The following ANKRD11 variants were observed in gnomAD, a reference collection of about 807,000 sequenced individuals.
ANKRD11 encodes the protein ankyrin repeat domain-containing protein 11.
A neutral mutation model predicts 195.7 loss-of-function variants in ANKRD11; 17 were observed. The ratio of observed to expected loss-of-function variants is 0.09; its 90% confidence interval spans 0.06 to 0.13. The LOEUF is 0.13. ANKRD11 is among the 10% of genes least tolerant of loss of function. The probability of loss-of-function intolerance (pLI) is 1.00; values close to 1 mark genes in which losing one functional copy is unlikely to be tolerated. For synonymous variants in ANKRD11, 1,953 were observed against 1,528.1 expected, an observed-to-expected ratio of 1.28 and a Z score of -6.49; for missense variants, 3,735 against 3,566.1, an observed-to-expected ratio of 1.05 and a Z score of -1.21.
Position 89,281,490 on chromosome 16 carries a change from G to C in ANKRD11, c.5052C>G (p.His1684Gln), listed in dbSNP as rs761081410. Reference sequence around the variant, plus strand: ...GGGACGCAGGCAGGACCTCTTTCATGTGAGGGCCTGCCAGCCAGTCTTTGG... The same window carrying C: ...GGGACGCAGGCAGGACCTCTTTCATCTGAGGGCCTGCCAGCCAGTCTTTGG... ...ADSKDWLAGPHMKEVLPASPR... is the reference protein window; with the variant it reads ...ADSKDWLAGPQMKEVLPASPR... Residue 1684 changes from histidine to glutamine, a missense_variant, in exon 9 of 13, where the codon CAC (histidine) becomes CAG (glutamine). His to Gln is a conservative substitution (Grantham distance 24, BLOSUM62 0). Transcript: ENST00000301030. The surrounding 1 kb of genome is among the most constrained non-coding windows in gnomAD (Gnocchi z 5.5). 3.1e-6 allele frequency: 5 copies of C among 1,614,086 alleles called. No homozygotes were observed. In the African/African-American group the frequency reaches 5.3e-5, roughly 17 times the overall value.
chr16:89,328,642 G>A (rs910970122), intron 2 of ANKRD11, among the ~76,000 whole-genome samples: 9 of 150,070 alleles, frequency 6.0e-5, no homozygotes, highest in South Asian at 2.1e-4. Context: ...CCAGGAGCAC[G>A]GGCGAAATCA....
intron 3 of ANKRD11, among the ~76,000 whole-genome samples, chr16:89,313,823 A>G (rs185963652): frequency 3.2e-4 from 48 of 152,318 alleles, no homozygotes; most frequent in African/African-American, 1.0e-3. Context: ...CTACTGTTCA[A>G]GCTAAGAAAG....
chr16:89,272,077 G>C (rs915959445), intron 11 of ANKRD11: 5 of 151,954 alleles, frequency 3.3e-5, no homozygotes, highest in Admixed American at 2.6e-4. Context: ...CAAAAAAACG[G>C]GCAAAAGATC....
rs568994156 is a variant in ANKRD11 at position 89,394,344 on chromosome 16, G to C, written c.-60+23940C>G. On this transcript the variant is annotated intron_variant, in intron 2 of 12. Coordinates refer to ENST00000301030, the MANE Select transcript of ANKRD11 (RefSeq NM_013275.6). ...AAACTTCTCATCAGAAAAACAGCTC[G>C]TGGGCCAGGCACAGTGGCTCCCGCC... 2.6e-5 allele frequency among the ~76,000 whole-genome samples: 4 copies of C among 152,150 alleles called. No homozygotes were observed. The East Asian group carries it at 7.7e-4, about 29-fold the overall frequency.
intron 2 of ANKRD11, among the ~76,000 whole-genome samples, chr16:89,317,774 C>T (rs1309525846): frequency 6.6e-6 from 1 of 152,128 alleles, no homozygotes; most frequent in East Asian, 1.9e-4. Context: ...ATTTATTAAT[C>T]ATGTTTTATT....
intron 4 of ANKRD11, among the ~76,000 whole-genome samples, chr16:89,295,957 G>A (rs1338950810): frequency 7.6e-6 from 1 of 131,404 alleles, no homozygotes; most frequent in Admixed American, 8.2e-5. Context: ...GGGGTGCTCT[G>A]CAGGGAGTGT....
chr16:89,354,422 A>C (rs1286071037), intron 2 of ANKRD11, among the ~76,000 whole-genome samples: 1 of 152,224 alleles, frequency 6.6e-6, no homozygotes, highest in Non-Finnish European at 1.5e-5. Flanking sequence ...TGCAGCAGTG[A>C]GGTCCACTAT....
chr16:89,338,913 A>G (rs188094305), intron 2 of ANKRD11, among the ~76,000 whole-genome samples: 159 of 152,172 alleles, frequency 1.0e-3, no homozygotes, highest in African/African-American at 3.7e-3. Context: ...CAAAAAAATC[A>G]CCCAGATATA....
chr16:89,270,410 G>A (rs539861859), intron 12 of ANKRD11: 19 of 300,922 alleles, frequency 6.3e-5, no homozygotes, highest in Middle Eastern at 1.2e-3. Flanking sequence ...CAGCCCTCGC[G>A]ACCGGGATAA....
At chr16:89,269,452 G>A (rs1167549418) in intron 12 of ANKRD11, among the ~76,000 whole-genome samples, 1 of 151,956 alleles carries the variant, frequency 6.6e-6, no homozygotes, top group African/African-American at 2.4e-5. Context: ...CCTCCTCAAT[G>A]GGCCTCATAG....
At position 89,267,778 on chromosome 16, in the gene ANKRD11, G is replaced by A. The variant is rs889194367; in HGVS notation, c.*700C>T. The A allele has an allele frequency of 2.0e-5, 3 of 152,026 alleles. No individual in the cohort carries two copies. Among genetic ancestry groups the A allele is most frequent in the Non-Finnish European group, 2.9e-5 (2 of 68,016 alleles). The allele number at this position is 152,026 out of a possible 1,614,324, so 9.4% of individuals were successfully genotyped here. ...GTGAAGGTATATAAAACTGTACAGC[G>A]TTTACGGATACACTTTTTATATGAT... On this transcript the variant is annotated 3_prime_UTR_variant, in exon 13 of 13. Transcript: ENST00000301030.
At chr16:89,475,452 C>A (rs1219034645) in intron 1 of ANKRD11, among the ~76,000 whole-genome samples, 1 of 152,126 alleles carries the variant, frequency 6.6e-6, no homozygotes, top group South Asian at 2.1e-4. Context: ...ATAAAGCAAG[C>A]AGTTTCACAT....
intron 1 of ANKRD11, among the ~76,000 whole-genome samples, chr16:89,459,988 C>T (rs2056595733): frequency 6.6e-6 from 1 of 151,796 alleles, no homozygotes; most frequent in Admixed American, 6.6e-5. Context: ...GTAATCCCAG[C>T]ACTTTGAGAG....
chr16:89,287,225 G>A (rs2034709291), intron 7 of ANKRD11: 5 of 616,778 alleles, frequency 8.1e-6, no homozygotes, highest in Non-Finnish European at 1.2e-5. Context: ...CGCAGGTGCG[G>A]CCCTCCTCGG....
At chr16:89,366,233 G>A (rs1300871553) in intron 2 of ANKRD11, among the ~76,000 whole-genome samples, 1 of 151,568 alleles carries the variant, frequency 6.6e-6, no homozygotes, top group African/African-American at 2.4e-5. Flanking sequence ...ATCCGTCACT[G>A]ATAGATGCTC....
At chr16:89,341,411 A>G (rs966833744) in intron 2 of ANKRD11, among the ~76,000 whole-genome samples, 3 of 152,212 alleles carry the variant, frequency 2.0e-5, no homozygotes, top group Admixed American at 2.0e-4. Context: ...TAAGGCCCCA[A>G]CGTGAACAGA....
chr16:89,323,438 TG>T (rs2037469291), intron 2 of ANKRD11: 1 of 456,782 alleles, frequency 2.2e-6, no homozygotes, highest in Non-Finnish European at 3.1e-6. Context: ...GCAGGGGGGC[TG>T]AGCCGAGGGC....
chr16:89,330,889 C>G (rs2038030711), intron 2 of ANKRD11, among the ~76,000 whole-genome samples: 1 of 152,122 alleles, frequency 6.6e-6, no homozygotes. Flanking sequence ...TTTGACTGTA[C>G]AGTTCTAGTT....
At chr16:89,391,787 A>G (rs2041211463) in intron 2 of ANKRD11, among the ~76,000 whole-genome samples, 1 of 152,222 alleles carries the variant, frequency 6.6e-6, no homozygotes, top group African/African-American at 2.4e-5. Flanking sequence ...CTAAAAATAA[A>G]TAGTAACTTC....
Sources: gnomAD v4.1 joint callset for allele counts (sites outside exome capture counted in the v4.1 genomes callset) on GRCh38, gnomAD v4.1.1 for gene constraint, Gnocchi (gnomAD v3.1) non-coding constraint, MANE v1.5 for transcripts, NCBI Gene and HGNC (gene_info 2026-07-23, HGNC 2026-07-21) for gene names.